SULF1: variants seen among roughly 807,000 people sequenced by gnomAD.
The protein encoded by SULF1 is extracellular sulfatase Sulf-1.
SULF1 carries 46 observed loss-of-function variants against 110.5 expected under a neutral mutation model. The observed-to-expected ratio is 0.42, with a 90% confidence interval of 0.33 to 0.53. SULF1 has a LOEUF of 0.53. Ranked by LOEUF, SULF1 falls within the 20% of genes least tolerant of loss-of-function variation. The probability of loss-of-function intolerance (pLI) is 0.12; values close to 1 mark genes in which losing one functional copy is unlikely to be tolerated. For synonymous variants in SULF1, 371 were observed against 387.1 expected, an observed-to-expected ratio of 0.96 and a Z score of 0.49; for missense variants, 941 against 1,094.2, an observed-to-expected ratio of 0.86 and a Z score of 1.98.
In SULF1 at chr8:69,659,880, G is replaced by A. The variant is rs1813000535; in HGVS notation, c.*1345G>A. On this transcript the variant is annotated 3_prime_UTR_variant, in exon 23 of 23. Transcript: ENST00000402687. Reference sequence around the variant, plus strand: ...ATCAGTCTCACTGTTGGCTGTCATTGTGACAAAGTCAAATAAACCCCCAAG... The same window carrying A: ...ATCAGTCTCACTGTTGGCTGTCATTATGACAAAGTCAAATAAACCCCCAAG... 1 of 152,608 alleles carries A rather than the reference G, an allele frequency of 6.6e-6. No individual in the cohort carries two copies. The highest frequency in any genetic ancestry group is 1.5e-5 in the Non-Finnish European group (1 of 68,150). 9.5% of individuals were successfully genotyped at this position (152,608 alleles called of 1,614,324 possible).
intron 1 of SULF1, among the ~76,000 whole-genome samples, chr8:69,479,740 A>G (rs550807685): frequency 6.4e-4 from 98 of 152,166 alleles, no homozygotes; most frequent in Non-Finnish European, 1.1e-3. Context: ...GAAACACAGG[A>G]CTGGGTTTGT....
At chr8:69,514,251 A>T (rs962584669) in intron 3 of SULF1, among the ~76,000 whole-genome samples, 1 of 152,242 alleles carries the variant, frequency 6.6e-6, no homozygotes, top group Non-Finnish European at 1.5e-5. Flanking sequence ...CTGTACAGGA[A>T]GCATGGATGG....
At chr8:69,476,265 C>T (rs1280714993) in intron 1 of SULF1, among the ~76,000 whole-genome samples, 1 of 152,134 alleles carries the variant, frequency 6.6e-6, no homozygotes, top group Non-Finnish European at 1.5e-5. Context: ...GGAATGGTTT[C>T]CCCATTCCCC....
Position 69,660,260 on chromosome 8 carries a change from T to G in SULF1, c.*1725T>G, listed in dbSNP as rs1390500643. 1 of 152,204 alleles carries G rather than the reference T, an allele frequency of 6.6e-6. No individual in the cohort carries two copies. The highest frequency in any genetic ancestry group is 1.5e-5 in the Non-Finnish European group (1 of 68,032). 9.4% of individuals were successfully genotyped at this position (152,204 alleles called of 1,614,324 possible). ...CTAGTTTTGAATTTACACCAAGAAC[T>G]TCTCAATAAAAGAAAATCATGAATG... On this transcript the variant is annotated 3_prime_UTR_variant, in exon 23 of 23. Transcript: ENST00000402687.
At chr8:69,468,849 A>G (rs1758215997) in intron 1 of SULF1, among the ~76,000 whole-genome samples, 2 of 152,206 alleles carry the variant, frequency 1.3e-5, no homozygotes, top group South Asian at 2.1e-4. Flanking sequence ...GCATGATGGC[A>G]TCTAACAGAG....
chr8:69,481,151 G>T (rs1395449894), intron 1 of SULF1, among the ~76,000 whole-genome samples: 2 of 152,090 alleles, frequency 1.3e-5, no homozygotes, highest in African/African-American at 4.8e-5. Flanking sequence ...AGCAATGAAA[G>T]AAATACGTCA....
In SULF1 at chr8:69,658,724, C is replaced by T. The variant is rs567469327; in HGVS notation, c.*189C>T. On this transcript the variant is annotated 3_prime_UTR_variant, in exon 23 of 23. Transcript: ENST00000402687. Reference sequence around the variant, plus strand: ...TATGAGCAAAATAAAACAAATAAGACTCAAACTGCTCAAAGTGACGGGTTC... The same window carrying T: ...TATGAGCAAAATAAAACAAATAAGATTCAAACTGCTCAAAGTGACGGGTTC... 1.7e-4 allele frequency: 113 copies of T among 683,234 alleles called. No homozygotes were observed. In the African/African-American group the frequency reaches 1.8e-3, roughly 11 times the overall value. The allele number at this position is 683,234 out of a possible 1,614,324, so 42.3% of individuals were successfully genotyped here. A position where few individuals can be genotyped will look rare whatever the true frequency, so the allele number is the denominator to read the frequency against.
At chr8:69,652,203 C>T (rs1262434234) in intron 22 of SULF1, among the ~76,000 whole-genome samples, 1 of 152,168 alleles carries the variant, frequency 6.6e-6, no homozygotes, top group Non-Finnish European at 1.5e-5. Context: ...CCACTGGCCC[C>T]ACCTGGATGC....
intron 13 of SULF1, among the ~76,000 whole-genome samples, chr8:69,609,206 C>T (rs1432374317): frequency 6.6e-6 from 1 of 152,042 alleles, no homozygotes. Flanking sequence ...AATAGCCAGG[C>T]GTGGTGGTGT....
intron 1 of SULF1, among the ~76,000 whole-genome samples, chr8:69,495,092 T>C (rs879373847): frequency 1.3e-5 from 2 of 152,120 alleles, no homozygotes; most frequent in Admixed American, 6.5e-5. Context: ...GTAGTTGTAA[T>C]AGAATACCAT....
chr8:69,471,366 T>C (rs1227336716), intron 1 of SULF1, among the ~76,000 whole-genome samples: 1 of 150,176 alleles, frequency 6.7e-6, no homozygotes, highest in Non-Finnish European at 1.5e-5. Context: ...ATTCACTGGC[T>C]CCGGTAGCTT....
At chr8:69,477,382 T>A (rs553554282) in intron 1 of SULF1, among the ~76,000 whole-genome samples, 1 of 152,196 alleles carries the variant, frequency 6.6e-6, no homozygotes, top group African/African-American at 2.4e-5. Flanking sequence ...ACTACTACAG[T>A]AGTCTCAGAA....
At chr8:69,583,478 A>T (rs183283939) in intron 6 of SULF1, among the ~76,000 whole-genome samples, 4 of 151,942 alleles carry the variant, frequency 2.6e-5, no homozygotes, top group Admixed American at 1.3e-4. Flanking sequence ...GGAGTCTGAG[A>T]CAGGAGAATC....
intron 3 of SULF1, among the ~76,000 whole-genome samples, chr8:69,514,930 T>C (rs1323141210): frequency 2.6e-5 from 4 of 152,204 alleles, no homozygotes; most frequent in African/African-American, 9.6e-5. Context: ...CCCAAGGCTT[T>C]GGGAAGTTCT....
chr8:69,570,962 A>G (rs753585836), intron 5 of SULF1, among the ~76,000 whole-genome samples: 1 of 152,236 alleles, frequency 6.6e-6, no homozygotes, highest in Non-Finnish European at 1.5e-5. Flanking sequence ...CTACACAGAC[A>G]TAATCACGGT....
upstream of SULF1, among the ~76,000 whole-genome samples, chr8:69,490,451 A>G (rs964130078): frequency 2.0e-5 from 3 of 152,112 alleles, no homozygotes; most frequent in Admixed American, 2.0e-4. Context: ...TTTTTTTAGC[A>G]ACAAAACCAT....
At position 69,616,137 on chromosome 8, in the gene SULF1, T is replaced by C. The variant is rs191888846; in HGVS notation, c.1378-4898T>C. On this transcript the variant is annotated intron_variant, in intron 13 of 22. Coordinates refer to ENST00000402687, the MANE Select transcript of SULF1 (RefSeq NM_001128205.2). The stretch of plus-strand genomic sequence containing the variant: ...TGTGTATATATAATGTGTATATATA[T>C]ACACACATATATGTGTGTGTATATA... Among the ~76,000 whole-genome samples, 929 of 139,160 alleles carry C rather than the reference T, an allele frequency of 6.7e-3. 12 individuals carry two copies. Among genetic ancestry groups the C allele is most frequent in the Non-Finnish European group, 0.011 (671 of 62,938 alleles). 91.3% of individuals were successfully genotyped at this position (139,160 alleles called of 152,430 possible). A position where few individuals can be genotyped will look rare whatever the true frequency, so the allele number is the denominator to read the frequency against.
intron 5 of SULF1, among the ~76,000 whole-genome samples, chr8:69,566,924 A>G (rs1313168131): frequency 6.6e-6 from 1 of 152,222 alleles, no homozygotes; most frequent in African/African-American, 2.4e-5. Context: ...TCTTTAATTT[A>G]GGTATGAGAA....
intron 13 of SULF1, among the ~76,000 whole-genome samples, chr8:69,614,407 T>C (rs147919401): frequency 2.6e-5 from 4 of 152,354 alleles, no homozygotes; most frequent in African/African-American, 7.2e-5. Context: ...CTCTGGGTTG[T>C]AGTGAGGATT....
Sources: allele counts gnomAD v4.1 joint callset (sites outside exome capture counted in the v4.1 genomes callset), GRCh38; gene constraint gnomAD v4.1.1; transcripts MANE v1.5; gene names NCBI Gene and HGNC (gene_info 2026-07-23, HGNC 2026-07-21).